The following CDH12 variants were observed in gnomAD, a reference collection of about 807,000 sequenced individuals.
CDH12 encodes cadherin 12, also known as cadherin-12.
In CDH12, 41 loss-of-function variants were observed where a neutral mutation model predicts 74.1. The ratio of observed to expected loss-of-function variants is 0.55; its 90% CI spans 0.43 to 0.72. The LOEUF is 0.72. Among genes scored for constraint, CDH12 ranks in the 30% least tolerant of loss-of-function variants. CDH12 has a pLI of 0.00. For missense variants in CDH12, 945 were observed against 977.2 expected, an observed-to-expected ratio of 0.97 and a Z score of 0.44; for synonymous variants, 399 against 355.0, an observed-to-expected ratio of 1.12 and a Z score of -1.39.
chr5:22,047,684 G>A (rs1162505218), intron 5 of CDH12, among the ~76,000 whole-genome samples: 1 of 152,096 alleles, frequency 6.6e-6, no homozygotes, highest in African/African-American at 2.4e-5. Context: ...ATGCACTGTT[G>A]ACTTCAAAAC....
chr5:22,703,171 A>C (rs1245931721), intron 1 of CDH12, among the ~76,000 whole-genome samples: 1 of 152,142 alleles, frequency 6.6e-6, no homozygotes, highest in Admixed American at 6.6e-5. Context: ...TCAGTTGTTA[A>C]AAAAGCACCC....
chr5:21,783,979 G>T (rs922984672), intron 10 of CDH12, among the ~76,000 whole-genome samples: 1 of 151,964 alleles, frequency 6.6e-6, no homozygotes, highest in African/African-American at 2.4e-5. Context: ...TGACAATTTG[G>T]TAATTATACA....
At chr5:22,077,774 A>C (rs115430388) in intron 5 of CDH12, among the ~76,000 whole-genome samples, 2 of 152,124 alleles carry the variant, frequency 1.3e-5, no homozygotes, top group African/African-American at 4.8e-5. Context: ...AAAAAAATTA[A>C]ATTTCCATAA....
chr5:22,263,625 A>C (rs1753601305), intron 3 of CDH12, among the ~76,000 whole-genome samples: 1 of 152,178 alleles, frequency 6.6e-6, no homozygotes, highest in East Asian at 1.9e-4. Context: ...GCAATGATAC[A>C]ATTTTTAATT....
At chr5:21,901,476 G>A (rs955672006) in intron 6 of CDH12, among the ~76,000 whole-genome samples, 1 of 152,122 alleles carries the variant, frequency 6.6e-6, no homozygotes, top group African/African-American at 2.4e-5. Flanking sequence ...TGTTGGAACT[G>A]TTCTACTTCT....
intron 3 of CDH12, among the ~76,000 whole-genome samples, chr5:22,272,658 C>T (rs577728892): frequency 6.6e-6 from 1 of 151,938 alleles, no homozygotes; most frequent in African/African-American, 2.4e-5. Flanking sequence ...TATTAATTGG[C>T]CTCATTTCAA....
intron 6 of CDH12, among the ~76,000 whole-genome samples, chr5:21,950,182 C>T (rs1755786150): frequency 6.6e-6 from 1 of 151,990 alleles, no homozygotes; most frequent in Non-Finnish European, 1.5e-5. Flanking sequence ...GGTTTGTAGC[C>T]TAGGATCAAC....
At chr5:21,887,912 A>T (rs1485819005) in intron 6 of CDH12, among the ~76,000 whole-genome samples, 15 of 151,354 alleles carry the variant, frequency 9.9e-5, no homozygotes, top group Non-Finnish European at 1.6e-4. Context: ...CCAATACTGT[A>T]TTTTTTTTTT....
chr5:21,787,430 A>G (rs1746256950), intron 10 of CDH12, among the ~76,000 whole-genome samples: 1 of 135,560 alleles, frequency 7.4e-6, no homozygotes, highest in Admixed American at 7.5e-5. Context: ...TTGTTTTGCA[A>G]TAAAATATTT....
chr5:22,425,103 A>C (rs1197803997), intron 2 of CDH12, among the ~76,000 whole-genome samples: 1 of 128,610 alleles, frequency 7.8e-6, no homozygotes, highest in Non-Finnish European at 1.6e-5. Flanking sequence ...GAGAGAGAGA[A>C]TTTTTACATA....
intron 3 of CDH12, among the ~76,000 whole-genome samples, chr5:22,250,206 G>T (rs970589306): frequency 3.4e-5 from 5 of 145,078 alleles, no homozygotes; most frequent in African/African-American, 1.3e-4. Context: ...TATATATATA[G>T]TCTACTGCTG....
chr5:22,117,523 A>AATAT (rs60686782), intron 4 of CDH12, among the ~76,000 whole-genome samples: 8 of 65,582 alleles, frequency 1.2e-4, no homozygotes, highest in Admixed American at 1.1e-3. Flanking sequence ...ATATATATAT[A>AATAT]ATATATATAT....
At chr5:21,850,565 C>T (rs1019673647) in intron 7 of CDH12, among the ~76,000 whole-genome samples, 1 of 151,496 alleles carries the variant, frequency 6.6e-6, no homozygotes, top group Non-Finnish European at 1.5e-5. Context: ...GCTTTTATAA[C>T]ACCAACATAT....
intron 4 of CDH12, among the ~76,000 whole-genome samples, chr5:22,180,892 G>A (rs1198104937): frequency 6.6e-6 from 1 of 152,050 alleles, no homozygotes; most frequent in Non-Finnish European, 1.5e-5. Flanking sequence ...TGTCCTGCTT[G>A]TATTGAGTCA....
chr5:22,738,545 C>T (rs1744860135), intron 1 of CDH12, among the ~76,000 whole-genome samples: 1 of 151,962 alleles, frequency 6.6e-6, no homozygotes, highest in Non-Finnish European at 1.5e-5. Context: ...TTGTGATAGA[C>T]ATTAGTTCAT....
intron 11 of CDH12, among the ~76,000 whole-genome samples, chr5:21,766,775 A>G (rs1043907013): frequency 6.6e-6 from 1 of 151,988 alleles, no homozygotes; most frequent in East Asian, 1.9e-4. Flanking sequence ...AATGCCTAAT[A>G]CTTTAGAATG....
intron 2 of CDH12, among the ~76,000 whole-genome samples, chr5:22,417,689 CT>C (rs1409929114): frequency 6.6e-6 from 1 of 152,152 alleles, no homozygotes; most frequent in East Asian, 1.9e-4. Flanking sequence ...CTCATGCATT[CT>C]TCTGCATTCT....
intron 1 of CDH12, among the ~76,000 whole-genome samples, chr5:22,648,417 A>G (rs1459727370): frequency 6.6e-6 from 1 of 151,802 alleles, no homozygotes; most frequent in African/African-American, 2.4e-5. Context: ...ATAGGTATTG[A>G]AGAAACTGGA....
chr5:22,131,110 GT>G (rs1746156373), intron 4 of CDH12, among the ~76,000 whole-genome samples: 2 of 151,948 alleles, frequency 1.3e-5, no homozygotes, highest in Admixed American at 6.6e-5. Flanking sequence ...GAAATTTGGG[GT>G]TTTTCCAGTT....
Sources: gnomAD v4.1 joint callset for allele counts (sites outside exome capture counted in the v4.1 genomes callset) on GRCh38, gnomAD v4.1.1 for gene constraint, MANE v1.5 for transcripts, NCBI Gene and HGNC (gene_info 2026-07-23, HGNC 2026-07-21) for gene names.